The following TPSD1 variants were observed in gnomAD, a reference collection of about 807,000 sequenced individuals.
The protein encoded by TPSD1 is tryptase delta 1.
In TPSD1, 30 loss-of-function variants were observed where a neutral mutation model predicts 25.4. The observed-to-expected ratio is 1.18, with a 90% CI of 0.88 to 1.60. TPSD1 has a LOEUF of 1.60. Among genes scored for constraint, TPSD1 ranks in the 40% most tolerant of loss-of-function variants. The pLI is 0.00. For synonymous variants in TPSD1, 176 were observed against 149.4 expected, an observed-to-expected ratio of 1.18 and a Z score of -1.30; for missense variants, 420 against 324.2, an observed-to-expected ratio of 1.30 and a Z score of -2.27.
intron 3 of TPSD1, chr16:1,257,393 A>C: frequency 2.3e-6 from 1 of 427,912 alleles, no homozygotes; most frequent in Non-Finnish European, 4.2e-6. Context: ...TCTTGCTGGA[A>C]GGAGAGAGAC....
intron 3 of TPSD1, chr16:1,257,298 G>A: frequency 1.7e-6 from 1 of 587,744 alleles, no homozygotes; most frequent in Non-Finnish European, 3.0e-6. Flanking sequence ...GCACCTCCGT[G>A]CCTCGGTTTC....
In TPSD1 at chr16:1,258,217, T is replaced by A; in HGVS notation, c.679T>A (p.Cys227Ser). Residue 227 changes from cysteine to serine, a missense_variant, in exon 4 of 5, where the codon TGC (cysteine) becomes AGC (serine). Transcript: ENST00000211076. ...TGCGGGGAGCGAAAATCACGACTCC[T>A]GCCAGGTGGGCCCTCGCGTCCCCCA... is the stretch of plus-strand genomic sequence containing the variant. The part of the protein sequence containing the change: ...LCAGSENHDS[C>S]QGDSGGPLVC... The A allele has an allele frequency of 6.2e-7, 1 of 1,610,730 alleles. No homozygotes were observed. The highest frequency in any genetic ancestry group is 8.5e-7 in the Non-Finnish European group (1 of 1,179,840).
In TPSD1 at chr16:1,256,784, C is replaced by T; in HGVS notation, c.255-13C>T. 1 of 1,612,236 alleles carries T rather than the reference C, an allele frequency of 6.2e-7. No homozygotes were observed. The highest frequency in any genetic ancestry group is 8.5e-7 in the Non-Finnish European group (1 of 1,179,862). On this transcript the variant is annotated splice_polypyrimidine_tract_variant and intron_variant, in intron 2 of 4. Coordinates refer to ENST00000211076, the MANE Select transcript of TPSD1 (RefSeq NM_012217.3). Reference sequence around the variant, plus strand: ...GCTGCCCAGGGCCCTGAGTGGGATCCTCCGCTGCCCAGGGACATCAAGGAT... The same window carrying T: ...GCTGCCCAGGGCCCTGAGTGGGATCTTCCGCTGCCCAGGGACATCAAGGAT...
intron 1 of TPSD1, 41 bp from the exon 2 acceptor site, chr16:1,256,475 C>A (rs370537223): frequency 1.2e-5 from 19 of 1,606,456 alleles, no homozygotes; most frequent in Non-Finnish European, 1.6e-5. Flanking sequence ...TGGTCCCAGG[C>A]GTGGGGCGGC....
In TPSD1 at chr16:1,258,783, CCCCTTTCTTGAGTCCCTCCTCCATCCTG is replaced by C; in HGVS notation, c.*408_*435del. ...GTCCCTCCTCCATCCTGAGCCCCCT[CCCCTTTCTTGAGTCCCTCCTCCATCCTG>C]AGCCCCCTCCCCTTTCTTGAGCCCC... On this transcript the variant is annotated 3_prime_UTR_variant, in exon 5 of 5. Coordinates refer to ENST00000211076, the MANE Select transcript of TPSD1 (RefSeq NM_012217.3). 1 of 99,990 alleles carries C rather than the reference CCCCTTTCTTGAGTCCCTCCTCCATCCTG, an allele frequency of 1.0e-5. No individual in the cohort carries two copies. Among genetic ancestry groups the C allele is most frequent in the Non-Finnish European group, 1.9e-5 (1 of 51,824 alleles). The allele number at this position is 99,990 out of a possible 1,614,324, so 6.2% of individuals were successfully genotyped here. A position where few individuals can be genotyped will look rare whatever the true frequency, so the allele number is the denominator to read the frequency against.
chr16:1,257,850 C>A, intron 3 of TPSD1: 1 of 623,352 alleles, frequency 1.6e-6, no homozygotes. Context: ...CCTCCCTTCC[C>A]CAGATGGGGC....
Position 1,258,197 on chromosome 16 carries a change from G to A in TPSD1, c.659G>A (p.Gly220Glu). The change falls in exon 4 of 5, where the codon GGG becomes GAG. Residue 220 changes from glycine to glutamate, a missense_variant. Gly to Glu is a moderately conservative substitution (Grantham distance 98). Transcript: ENST00000211076. The stretch of plus-strand genomic sequence containing the variant: ...GTCCGCGATGACATGCTGTGTGCGG[G>A]GAGCGAAAATCACGACTCCTGCCAG... ...QIVRDDMLCA[G>E]SENHDSCQGD... 6.2e-7 allele frequency: 1 copy of A among 1,612,340 alleles called. No homozygotes were observed. The highest frequency in any genetic ancestry group is 8.5e-7 in the Non-Finnish European group (1 of 1,179,864).
In TPSD1 at chr16:1,256,622, G is replaced by C. The variant is rs369162852; in HGVS notation, c.189G>C (p.Met63Ile). 7 of 1,613,074 alleles carry C rather than the reference G, an allele frequency of 4.3e-6. No homozygotes were observed. The highest frequency in any genetic ancestry group is 4.2e-6 in the Non-Finnish European group (5 of 1,179,758). ...TGAGAGTCCGCGGCCCATACTGGAT[G>C]CACTTCTGCGGGGGCTCCCTCATCC... Reference protein sequence around the residue: ...VSLRVRGPYWMHFCGGSLIHP... With the variant: ...VSLRVRGPYWIHFCGGSLIHP... The change falls in exon 2 of 5, where the codon ATG (methionine) becomes ATC (isoleucine). Residue 63 changes from methionine (M) to isoleucine (I), a missense_variant. Coordinates refer to ENST00000211076, the MANE Select transcript of TPSD1 (RefSeq NM_012217.3).
chr16:1,257,128 G>A (rs975744394), intron 3 of TPSD1, 66 bp downstream of exon 3: 126 of 1,514,190 alleles, frequency 8.3e-5, no homozygotes, highest in Non-Finnish European at 1.0e-4. Context: ...AGGCCAGTCC[G>A]TGGGGTGACA....
chr16:1,256,975 C>G lies in TPSD1; in HGVS notation c.433C>G (p.His145Asp), dbSNP rs1282538950. 2 of 1,613,900 alleles carry G rather than the reference C, an allele frequency of 1.2e-6. No individual in the cohort carries two copies. Among genetic ancestry groups the G allele is most frequent in the Non-Finnish European group, 1.7e-6 (2 of 1,179,976 alleles). The change falls in exon 3 of 5, where the codon CAC (histidine) becomes GAC (aspartate). Residue 145 changes from histidine to aspartate, a missense_variant. Coordinates refer to ENST00000211076, the MANE Select transcript of TPSD1 (RefSeq NM_012217.3). Reference protein sequence around the residue: ...EEPVNISSHIHTVTLPPASET... With the variant: ...EEPVNISSHIDTVTLPPASET... ...GCCCGTGAACATCTCCAGCCACATC[C>G]ACACGGTCACGCTGCCCCCTGCCTC... is the stretch of plus-strand genomic sequence containing the variant.
intron 2 of TPSD1, 22 bp downstream of exon 2, chr16:1,256,709 G>T (rs748321949): frequency 6.2e-7 from 1 of 1,611,416 alleles, no homozygotes; most frequent in African/African-American, 1.3e-5. Flanking sequence ...GGGGCCTGGA[G>T]GGGTGGGCAA....
chr16:1,258,519 G>A lies in TPSD1; in HGVS notation c.*143G>A, dbSNP rs1005199427. ...TGAGCCAGGCCTGGGGTGTCCACCCGGGTCACTGGAGGGCCAGCCCCTCCT... is the reference window on the plus strand; with the variant it reads ...TGAGCCAGGCCTGGGGTGTCCACCCAGGTCACTGGAGGGCCAGCCCCTCCT... On this transcript the variant is annotated 3_prime_UTR_variant, in exon 5 of 5. Transcript: ENST00000211076. The A allele has an allele frequency of 6.1e-5, 98 of 1,606,036 alleles. 1 individual carries two copies. In the African/African-American group the frequency reaches 6.8e-4, roughly 11 times the overall value.
In TPSD1 at chr16:1,258,520, G is replaced by A; in HGVS notation, c.*144G>A. The A allele has an allele frequency of 6.2e-7, 1 of 1,604,820 alleles. No individual in the cohort carries two copies. Among genetic ancestry groups the A allele is most frequent in the Non-Finnish European group, 8.5e-7 (1 of 1,174,900 alleles). On this transcript the variant is annotated 3_prime_UTR_variant, in exon 5 of 5. Coordinates refer to ENST00000211076, the MANE Select transcript of TPSD1 (RefSeq NM_012217.3). The stretch of plus-strand genomic sequence containing the variant: ...GAGCCAGGCCTGGGGTGTCCACCCG[G>A]GTCACTGGAGGGCCAGCCCCTCCTG...
intron 3 of TPSD1, chr16:1,257,835 C>A: frequency 1.7e-6 from 1 of 604,614 alleles, no homozygotes; most frequent in Non-Finnish European, 2.9e-6. Flanking sequence ...CCTCCAGGGC[C>A]CTCCCCTCCC....
chr16:1,256,107 C>G lies in TPSD1; in HGVS notation c.-174C>G, dbSNP rs1245080588. ...AGTGGCCAGGGTAAGTCCCTACTCT[C>G]AGAGACCCTGACATCAGCGTCACCT... On this transcript the variant is annotated 5_prime_UTR_variant, in exon 1 of 5. Coordinates refer to ENST00000211076, the MANE Select transcript of TPSD1 (RefSeq NM_012217.3). 9.8e-6 allele frequency: 11 copies of G among 1,120,876 alleles called. No individual in the cohort carries two copies. The Admixed American group carries it at 1.5e-4, about 16-fold the overall frequency. 69.4% of individuals were successfully genotyped at this position (1,120,876 alleles called of 1,614,324 possible). A position where few individuals can be genotyped will look rare whatever the true frequency, so the allele number is the denominator to read the frequency against.
chr16:1,257,259 C>T (rs1166848825), intron 3 of TPSD1, 197 bp downstream of exon 3: 8 of 735,352 alleles, frequency 1.1e-5, no homozygotes, highest in Non-Finnish European at 1.7e-5. Flanking sequence ...CTGGGCGTCC[C>T]CCACCCCAGG....
Position 1,258,261 on chromosome 16 carries a change from G to A in TPSD1, c.684+39G>A, listed in dbSNP as rs764437911. 1.9e-6 allele frequency: 3 copies of A among 1,611,714 alleles called. No homozygotes were observed. In the Admixed American group the frequency reaches 5.0e-5, roughly 27 times the overall value. On this transcript the variant is annotated intron_variant, in intron 4 of 4. Transcript: ENST00000211076. ...TCCCCCACCCCAATCCCCGGAGCCTGGCCAGCGAGCGCATCCCTCATCCTG... is the reference window on the plus strand; with the variant it reads ...TCCCCCACCCCAATCCCCGGAGCCTAGCCAGCGAGCGCATCCCTCATCCTG...
In TPSD1 at chr16:1,258,657, T is replaced by G; in HGVS notation, c.*281T>G. 2.8e-6 allele frequency: 1 copy of G among 350,926 alleles called. No individual in the cohort carries two copies. The allele number at this position is 350,926 out of a possible 1,614,324, so 21.7% of individuals were successfully genotyped here. On this transcript the variant is annotated 3_prime_UTR_variant, in exon 5 of 5. Coordinates refer to ENST00000211076, the MANE Select transcript of TPSD1 (RefSeq NM_012217.3). ...GTCCCCTGTCCTGAGCCCCCTCCCC[T>G]TTCTTGATCCCCTCCCCCATCCTGA...
In TPSD1 at chr16:1,256,228, C is replaced by T; in HGVS notation, c.-53C>T. The T allele has an allele frequency of 3.7e-6, 6 of 1,611,506 alleles. No homozygotes were observed. The South Asian group carries it at 6.6e-5, about 18-fold the overall frequency. ...CCCCCCGTCCCAGCTCCATTCTTCACCCCACAATCTGTAGCCCCCAGCCCT... is the reference window on the plus strand; with the variant it reads ...CCCCCCGTCCCAGCTCCATTCTTCATCCCACAATCTGTAGCCCCCAGCCCT... On this transcript the variant is annotated 5_prime_UTR_variant, in exon 1 of 5. Transcript: ENST00000211076.
Sources: allele counts gnomAD v4.1 joint callset, GRCh38; gene constraint gnomAD v4.1.1; transcripts MANE v1.5; gene names NCBI Gene and HGNC (gene_info 2026-07-23, HGNC 2026-07-21).